ATXN1L: variants seen among roughly 807,000 people sequenced by gnomAD.
ATXN1L encodes ataxin 1 like.
Under a neutral mutation model 43.4 loss-of-function variants are expected in ATXN1L, and 8 were observed. The observed-to-expected ratio is 0.18, with a 90% CI of 0.11 to 0.33. The LOEUF is 0.33. ATXN1L is among the 10% of genes least tolerant of loss of function. The pLI, the probability that ATXN1L is intolerant of heterozygous loss-of-function variation, is 1.00. For missense variants in ATXN1L, 856 were observed against 885.4 expected (o/e 0.97, Z 0.42); for synonymous variants, 379 against 360.6 (o/e 1.05, Z -0.58).
Position 71,849,696 on chromosome 16 carries a change from G to C in ATXN1L, c.-45G>C. ...GAGAAGCCCCTTCTGATGCCCCAGG[G>C]AGCAAGTCGACTCCTTCCAGGCTCC... On this transcript the variant is annotated 5_prime_UTR_variant, in exon 3 of 3. Coordinates refer to ENST00000427980, the MANE Select transcript of ATXN1L (RefSeq NM_001137675.4). 6.9e-7 allele frequency: 1 copy of C among 1,459,088 alleles called. No individual in the cohort carries two copies. The allele number at this position is 1,459,088 out of a possible 1,614,324, so 90.4% of individuals were successfully genotyped here.
In ATXN1L at chr16:71,847,415, T is replaced by TAC. The variant is rs1190997460; in HGVS notation, c.-179-585_-179-584dup. ...ATACTGTCACTCAGAAAATTTTACATACACACACACATATGCTCATTTTTT... is the reference window on the plus strand; with the variant it reads ...ATACTGTCACTCAGAAAATTTTACATACACACACACACATATGCTCATTTTTT... On this transcript the variant is annotated intron_variant, in intron 1 of 2. Transcript: ENST00000427980. Among the ~76,000 whole-genome samples, 7 of 152,060 alleles carry TAC rather than the reference T, an allele frequency of 4.6e-5. No homozygotes were observed. The East Asian group carries it at 1.3e-3, about 29-fold the overall frequency.
intron 2 of ATXN1L, among the ~76,000 whole-genome samples, chr16:71,849,114 T>C (rs930588079): frequency 6.8e-6 from 1 of 146,484 alleles, no homozygotes; most frequent in African/African-American, 2.5e-5. Context: ...CTTGGGAGGC[T>C]GAGGCAGGAG....
chr16:71,850,306 C>A lies in ATXN1L; in HGVS notation c.566C>A (p.Pro189Gln), dbSNP rs77031689. 8,563 of 1,551,722 alleles carry A rather than the reference C, an allele frequency of 5.5e-3. 32 individuals are homozygous for A. The highest frequency in any genetic ancestry group is 7.0e-3 in the Non-Finnish European group (8,037 of 1,146,986). Residue 189 changes from proline to glutamine, a missense_variant, in exon 3 of 3, where the codon CCA (proline) becomes CAA (glutamine). This residue lies in a region of ATXN1L where 490 missense variants were observed against 449.4 expected (regional missense o/e 1.09). Coordinates refer to ENST00000427980, the MANE Select transcript of ATXN1L (RefSeq NM_001137675.4). ...SLLAEGATPP[P>Q]QAPSPAHSFN... is the part of the protein sequence containing the mutation. ...CTGGCTGAAGGAGCCACTCCTCCCC[C>A]ACAGGCTCCCTCCCCGGCCCACTCA...
chr16:71,849,452 C>T (rs1412227665), intron 2 of ATXN1L, among the ~76,000 whole-genome samples, 172 bp from the exon 3 acceptor site: 1 of 152,096 alleles, frequency 6.6e-6, no homozygotes, highest in Non-Finnish European at 1.5e-5. Flanking sequence ...TCTCTCATGT[C>T]CCAGGCTGGA....
rs1180513982 is a variant in ATXN1L, at chr16:71,856,035, C to T, written c.*4225C>T. 1.8e-5 allele frequency: 3 copies of T among 166,948 alleles called. No individual in the cohort carries two copies. The highest frequency in any genetic ancestry group is 4.4e-5 in the Non-Finnish European group (3 of 68,086). 10.3% of individuals were successfully genotyped at this position (166,948 alleles called of 1,614,324 possible). A position where few individuals can be genotyped will look rare whatever the true frequency, so the allele number is the denominator to read the frequency against. On this transcript the variant is annotated 3_prime_UTR_variant, in exon 3 of 3. Coordinates refer to ENST00000427980, the MANE Select transcript of ATXN1L (RefSeq NM_001137675.4). The stretch of plus-strand genomic sequence containing the variant: ...TCAACTCTAGGATCCATCTTTGGAC[C>T]AGAAGCCTGGTCTGTGCCTAGGATG...
At position 71,853,513 on chromosome 16, in the gene ATXN1L, C is replaced by T. The variant is rs1198063824; in HGVS notation, c.*1703C>T. Reference sequence around the variant, plus strand: ...TAAGGTATACTTGGATTGGCCGAGACCTGGCCTGGCATCAGGAGTCCAAAC... The same window carrying T: ...TAAGGTATACTTGGATTGGCCGAGATCTGGCCTGGCATCAGGAGTCCAAAC... On this transcript the variant is annotated 3_prime_UTR_variant, in exon 3 of 3. Transcript: ENST00000427980. The T allele has an allele frequency of 6.0e-6, 1 of 167,098 alleles. No homozygotes were observed. The highest frequency in any genetic ancestry group is 2.4e-5 in the African/African-American group (1 of 41,432). 10.4% of individuals were successfully genotyped at this position (167,098 alleles called of 1,614,324 possible).
At chr16:71,847,399 C>T (rs1038663276) in intron 1 of ATXN1L, among the ~76,000 whole-genome samples, 6 of 152,192 alleles carry the variant, frequency 3.9e-5, no homozygotes, top group African/African-American at 1.4e-4. Flanking sequence ...TATACTGTCA[C>T]TCAGAAAATT....
chr16:71,851,545 G>A lies in ATXN1L; in HGVS notation c.1805G>A (p.Gly602Asp), dbSNP rs758910069. Residue 602 changes from glycine (G) to aspartate (D), a missense_variant, in exon 3 of 3, where the codon GGT (glycine) becomes GAT (aspartate). By Grantham distance (94) the Gly-to-Asp change is moderately conservative (BLOSUM62 -1). Coordinates refer to ENST00000427980, the MANE Select transcript of ATXN1L (RefSeq NM_001137675.4). This position sits in a 1 kb window ranked among gnomAD's most constrained non-coding sequence, Gnocchi z 4.9. ...AGCTGTGCTCCCCCAAGCCAGCTGG[G>A]TCCCCCCCGAGAAAGGCCTGAGAGG... is the stretch of plus-strand genomic sequence containing the variant. ...QASCAPPSQL[G>D]PPRERPERTV... The A allele has an allele frequency of 7.1e-6, 11 of 1,551,448 alleles. No homozygotes were observed.
At position 71,852,977 on chromosome 16, in the gene ATXN1L, C is replaced by G. The variant is rs1043268294; in HGVS notation, c.*1167C>G. On this transcript the variant is annotated 3_prime_UTR_variant, in exon 3 of 3. Transcript: ENST00000427980. ...CCCCTCCACTTCCACTGCCAAACAG[C>G]TTGGTGAAGAAACAAGAAGGGAACT... The G allele has an allele frequency of 6.0e-6, 1 of 167,138 alleles. No individual in the cohort carries two copies. The highest frequency in any genetic ancestry group is 1.5e-5 in the Non-Finnish European group (1 of 68,166). The allele number at this position is 167,138 out of a possible 1,614,324, so 10.4% of individuals were successfully genotyped here. A position where few individuals can be genotyped will look rare whatever the true frequency, so the allele number is the denominator to read the frequency against.
chr16:71,856,013 A>G lies in ATXN1L; in HGVS notation c.*4203A>G, dbSNP rs969893508. ...TTTGCAGCTGTCAGTTGCTCTTTCA[A>G]CTCTAGGATCCATCTTTGGACCAGA... On this transcript the variant is annotated 3_prime_UTR_variant, in exon 3 of 3. Transcript: ENST00000427980. 2 of 166,778 alleles carry G rather than the reference A, an allele frequency of 1.2e-5. No individual in the cohort carries two copies. Among genetic ancestry groups the G allele is most frequent in the African/African-American group, 4.8e-5 (2 of 41,328 alleles). 10.3% of individuals were successfully genotyped at this position (166,778 alleles called of 1,614,324 possible).
Position 71,856,438 on chromosome 16 carries a change from C to T in ATXN1L, c.*4628C>T, listed in dbSNP as rs1308697987. The T allele has an allele frequency of 6.0e-6, 1 of 167,092 alleles. No individual in the cohort carries two copies. The highest frequency in any genetic ancestry group is 1.5e-5 in the Non-Finnish European group (1 of 68,142). The allele number at this position is 167,092 out of a possible 1,614,324, so 10.4% of individuals were successfully genotyped here. A position where few individuals can be genotyped will look rare whatever the true frequency, so the allele number is the denominator to read the frequency against. ...TATGACTGTCATGGGGACTGAGGTT[C>T]TTCAGAGAAAGAGTGTGAGCTGATG... On this transcript the variant is annotated 3_prime_UTR_variant, in exon 3 of 3. Transcript: ENST00000427980.
chr16:71,850,455 G>A lies in ATXN1L; in HGVS notation c.715G>A (p.Gly239Arg). 6.4e-7 allele frequency: 1 copy of A among 1,551,712 alleles called. No homozygotes were observed. The highest frequency in any genetic ancestry group is 8.7e-7 in the Non-Finnish European group (1 of 1,146,996). ...IYYQMSRLPA[G>R]YTLHETPPAG... ...TTATCAGATGTCCAGGCTACCTGCT[G>A]GGTATACTTTGCATGAAACCCCTCC... The change falls in exon 3 of 3, where the codon GGG becomes AGG. Residue 239 changes from glycine to arginine, a missense_variant. Around this residue, in one of 7 missense-constraint regions of ATXN1L, gnomAD observed 490 missense variants for 449.4 expected, o/e 1.09. Coordinates refer to ENST00000427980, the MANE Select transcript of ATXN1L (RefSeq NM_001137675.4).
At chr16:71,849,216 TAAAA>T (rs71153674) in intron 2 of ATXN1L, among the ~76,000 whole-genome samples, 3 of 71,234 alleles carry the variant, frequency 4.2e-5, no homozygotes, top group African/African-American at 1.6e-4. Context: ...CCATGTGTTT[TAAAA>T]AAAAAAAAAA....
chr16:71,849,631 C>A lies in ATXN1L; in HGVS notation c.-110C>A. ...TGATTTGTTCCCTAATAGATGTGGG[C>A]GCCCCAGCCAGAAGCAGAGAGGGGT... On this transcript the variant is annotated 5_prime_UTR_variant, in exon 3 of 3. Transcript: ENST00000427980. The A allele has an allele frequency of 2.4e-6, 3 of 1,238,380 alleles. No homozygotes were observed. Among genetic ancestry groups the A allele is most frequent in the Non-Finnish European group, 3.3e-6 (3 of 919,672 alleles). The allele number at this position is 1,238,380 out of a possible 1,614,324, so 76.7% of individuals were successfully genotyped here.
At chr16:71,849,534 A>G in intron 2 of ATXN1L, 90 bp from the exon 3 acceptor site, 1 of 455,162 alleles carries the variant, frequency 2.2e-6, no homozygotes, top group Non-Finnish European at 3.8e-6. Context: ...CCTTTGTTAC[A>G]TCTTCCTCCA....
At chr16:71,847,847 TC>T (rs1316311471) in intron 1 of ATXN1L, among the ~76,000 whole-genome samples, 162 bp from the exon 2 acceptor site, 1 of 152,192 alleles carries the variant, frequency 6.6e-6, no homozygotes, top group Non-Finnish European at 1.5e-5. Flanking sequence ...TTCTCTCTGT[TC>T]AACTGCCTGG....
At position 71,856,265 on chromosome 16, in the gene ATXN1L, G is replaced by C. The variant is rs779542939; in HGVS notation, c.*4455G>C. 1 of 167,108 alleles carries C rather than the reference G, an allele frequency of 6.0e-6. No individual in the cohort carries two copies. 10.4% of individuals were successfully genotyped at this position (167,108 alleles called of 1,614,324 possible). A position where few individuals can be genotyped will look rare whatever the true frequency, so the allele number is the denominator to read the frequency against. On this transcript the variant is annotated 3_prime_UTR_variant, in exon 3 of 3. Coordinates refer to ENST00000427980, the MANE Select transcript of ATXN1L (RefSeq NM_001137675.4). Reference sequence around the variant, plus strand: ...CCTAGATCCCTCCCTGGTAGATTGCGAACTCAAAGTTTTGTGATCCCAAAG... The same window carrying C: ...CCTAGATCCCTCCCTGGTAGATTGCCAACTCAAAGTTTTGTGATCCCAAAG...
Position 71,850,140 on chromosome 16 carries a change from T to C in ATXN1L, c.400T>C (p.Ser134Pro), listed in dbSNP as rs1203633032. 1.9e-6 allele frequency: 3 copies of C among 1,551,760 alleles called. No individual in the cohort carries two copies. Among genetic ancestry groups the C allele is most frequent in the African/African-American group, 2.7e-5 (2 of 73,166 alleles). Residue 134 changes from serine (S) to proline (P), a missense_variant, in exon 3 of 3, where the codon TCC (serine) becomes CCC (proline). Coordinates refer to ENST00000427980, the MANE Select transcript of ATXN1L (RefSeq NM_001137675.4). The part of the protein sequence containing the change: ...YPPLHYAQLP[S>P]TSLQFIGSPY... Reference sequence around the variant, plus strand: ...TCCACTCCACTATGCTCAGCTCCCATCCACCTCGCTGCAGTTCATTGGGTC... The same window carrying C: ...TCCACTCCACTATGCTCAGCTCCCACCCACCTCGCTGCAGTTCATTGGGTC...
intron 2 of ATXN1L, 38 bp downstream of exon 2, chr16:71,848,109 T>C (rs746734): frequency 0.033 from 15,094 of 454,742 alleles, 1,777 homozygotes; most frequent in African/African-American, 0.26. Context: ...TTCAGGAAAA[T>C]ATCTGGGATG....
Sources: gnomAD v4.1 joint callset for allele counts (sites outside exome capture counted in the v4.1 genomes callset) on GRCh38, gnomAD v4.1.1 for gene constraint, gnomAD v4.1.1 regional missense constraint, Gnocchi (gnomAD v3.1) non-coding constraint, MANE v1.5 for transcripts, NCBI Gene and HGNC (gene_info 2026-07-23, HGNC 2026-07-21) for gene names.